The following KTN1 variants were observed in gnomAD, a reference collection of about 807,000 sequenced individuals.
KTN1 encodes kinectin.
Under a neutral mutation model 222.5 loss-of-function variants are expected in KTN1, and 130 were observed. The observed-to-expected ratio is 0.58, with a 90% CI of 0.51 to 0.68. The LOEUF is 0.68. Ranked by LOEUF, KTN1 falls within the 30% of genes least tolerant of loss-of-function variation. The probability of loss-of-function intolerance (pLI) is 0.00; values close to 1 mark genes in which losing one functional copy is unlikely to be tolerated. For missense variants in KTN1, 1,508 were observed against 1,500.4 expected, an observed-to-expected ratio of 1.01 and a Z score of -0.08; for synonymous variants, 512 against 496.3, an observed-to-expected ratio of 1.03 and a Z score of -0.42.
In KTN1 at chr14:55,650,429, A is replaced by G. The variant is rs2042822452; in HGVS notation, c.2496+11A>G. The G allele has an allele frequency of 6.3e-7, 1 of 1,590,744 alleles. No individual in the cohort carries two copies. Among genetic ancestry groups the G allele is most frequent in the Non-Finnish European group, 8.6e-7 (1 of 1,164,860 alleles). The stretch of plus-strand genomic sequence containing the variant: ...GAGAAAACTGTTCAGGTATTGGGAG[A>G]CAGAGAACTGTGTTTTATGTTTTTG... On this transcript the variant is annotated intron_variant, in intron 23 of 43. Coordinates refer to ENST00000395314, the MANE Select transcript of KTN1 (RefSeq NM_001079521.2).
rs2042076882 is a variant in KTN1 at position 55,644,280 on chromosome 14, A to G, written c.2172+2520A>G. On this transcript the variant is annotated intron_variant, in intron 18 of 43. Transcript: ENST00000395314. Reference sequence around the variant, plus strand: ...TATCCCACAGTCAGAATTCCAAGTGACAGTTGAGAGATTGAACAGTTTAGT... The same window carrying G: ...TATCCCACAGTCAGAATTCCAAGTGGCAGTTGAGAGATTGAACAGTTTAGT... 9 of 586,290 alleles carry G rather than the reference A, an allele frequency of 1.5e-5. 1 individual carries two copies. In the East Asian group the frequency reaches 2.6e-4, roughly 17 times the overall value. 36.3% of individuals were successfully genotyped at this position (586,290 alleles called of 1,614,324 possible).
At chr14:55,661,696 C>T in intron 32 of KTN1, 84 bp downstream of exon 32, 1 of 662,510 alleles carries the variant, frequency 1.5e-6, no homozygotes, top group Non-Finnish European at 2.5e-6. Flanking sequence ...TTTAAATCTA[C>T]TTTTACTTTA....
intron 18 of KTN1, among the ~76,000 whole-genome samples, chr14:55,642,808 T>A (rs1430981082): frequency 6.6e-6 from 1 of 152,220 alleles, no homozygotes; most frequent in Non-Finnish European, 1.5e-5. Flanking sequence ...ATAGTCTTAC[T>A]ACTTACTTTG....
chr14:55,680,300 A>G (rs975168552), intron 43 of KTN1: 7 of 171,500 alleles, frequency 4.1e-5, no homozygotes, highest in African/African-American at 1.7e-4. Flanking sequence ...GAAGGCTCAG[A>G]TTTGGTAGCA....
intron 37 of KTN1, 21 bp from the exon 38 acceptor site, chr14:55,672,609 T>C: frequency 6.6e-7 from 1 of 1,523,932 alleles, no homozygotes; most frequent in Non-Finnish European, 9.1e-7. Flanking sequence ...TACTTGGCCA[T>C]GTAATTGTTT....
intron 1 of KTN1, among the ~76,000 whole-genome samples, chr14:55,589,289 C>T (rs1398755217): frequency 6.6e-6 from 1 of 152,108 alleles, no homozygotes; most frequent in Non-Finnish European, 1.5e-5. Flanking sequence ...TAACATACTA[C>T]TTTTGGTATA....
chr14:55,621,718 G>A (rs1804807254), intron 5 of KTN1, among the ~76,000 whole-genome samples: 1 of 151,996 alleles, frequency 6.6e-6, no homozygotes, highest in African/African-American at 2.4e-5. Context: ...GATGAGATTT[G>A]GGTGGGTACA....
rs1213549469 is a variant in KTN1 at position 55,672,649 on chromosome 14, C to T, written c.3551C>T (p.Ser1184Phe). Residue 1184 changes from serine (S) to phenylalanine (F), a missense_variant, in exon 38 of 44, where the codon TCT (serine) becomes TTT (phenylalanine). Transcript: ENST00000395314. ...TTTCAGATGCAGTCATCATTTACAT[C>T]TTCAGAACAAGAGCTAGAGCGATTA... ...TIKQMQSSFT[S>F]SEQELERLRS... 3.1e-6 allele frequency: 5 copies of T among 1,606,650 alleles called. No individual in the cohort carries two copies. The highest frequency in any genetic ancestry group is 1.7e-5 in the Admixed American group (1 of 59,846).
intron 1 of KTN1, among the ~76,000 whole-genome samples, chr14:55,597,241 T>C (rs1323188978): frequency 1.3e-5 from 2 of 152,198 alleles, no homozygotes; most frequent in Non-Finnish European, 2.9e-5. Flanking sequence ...TTTTGAGTAG[T>C]ATAAGCTAAA....
chr14:55,634,010 C>T (rs1006745111), intron 8 of KTN1, among the ~76,000 whole-genome samples: 1 of 152,048 alleles, frequency 6.6e-6, no homozygotes, highest in Non-Finnish European at 1.5e-5. Context: ...CTTGGTGGCA[C>T]ACACCTGTAA....
At chr14:55,588,347 C>T (rs1188062902) in intron 1 of KTN1, among the ~76,000 whole-genome samples, 2 of 152,236 alleles carry the variant, frequency 1.3e-5, no homozygotes, top group Middle Eastern at 3.4e-3. Context: ...CTGCAGACCT[C>T]AGTCTAAGTA....
intron 13 of KTN1, 38 bp from the exon 14 acceptor site, chr14:55,639,875 A>C: frequency 1.6e-6 from 2 of 1,265,706 alleles, no homozygotes; most frequent in Middle Eastern, 3.7e-4. Flanking sequence ...GTGACTTCTG[A>C]ATGTTTATTG....
chr14:55,602,420 C>T (rs757718048), intron 1 of KTN1, among the ~76,000 whole-genome samples: 2 of 152,114 alleles, frequency 1.3e-5, no homozygotes, highest in Non-Finnish European at 2.9e-5. Context: ...TACTTCCTTT[C>T]GCAGTGAGAT....
chr14:55,669,703 T>C (rs993427227), intron 34 of KTN1, among the ~76,000 whole-genome samples: 1 of 152,014 alleles, frequency 6.6e-6, no homozygotes, highest in African/African-American at 2.4e-5. Flanking sequence ...TTAAGTAGGA[T>C]TCTGATAGTG....
At chr14:55,682,462 A>G (rs973390161) in intron 43 of KTN1, 4 of 152,126 alleles carry the variant, frequency 2.6e-5, no homozygotes, top group Non-Finnish European at 4.4e-5. Flanking sequence ...TGTATTTCTA[A>G]CCAAATCAGA....
chr14:55,656,012 G>T, intron 28 of KTN1, 30 bp from the exon 29 acceptor site: 1 of 1,353,180 alleles, frequency 7.4e-7, no homozygotes, highest in Non-Finnish European at 1.0e-6. Context: ...ATGTACTTTA[G>T]TTAATGCAGA....
intron 1 of KTN1, among the ~76,000 whole-genome samples, chr14:55,606,619 T>C (rs1416461786): frequency 6.6e-6 from 1 of 152,188 alleles, no homozygotes; most frequent in East Asian, 1.9e-4. Flanking sequence ...TTCAAAATTG[T>C]TGTATTACTT....
intron 43 of KTN1, chr14:55,681,189 C>G (rs1252074233): frequency 6.3e-6 from 1 of 157,612 alleles, no homozygotes; most frequent in Non-Finnish European, 1.4e-5. Context: ...TTGCAAAAAT[C>G]ATTAATGATC....
intron 19 of KTN1, among the ~76,000 whole-genome samples, chr14:55,647,754 C>G (rs1398515246): frequency 6.7e-6 from 1 of 149,538 alleles, no homozygotes; most frequent in Non-Finnish European, 1.5e-5. Flanking sequence ...ACCATCCTGG[C>G]TAACATGGTG....
Sources: allele counts gnomAD v4.1 joint callset (sites outside exome capture counted in the v4.1 genomes callset), GRCh38; gene constraint gnomAD v4.1.1; transcripts MANE v1.5; gene names NCBI Gene and HGNC (gene_info 2026-07-23, HGNC 2026-07-21).